ARHGEF10: variants seen among roughly 807,000 people sequenced by gnomAD.
ARHGEF10 encodes the protein Rho guanine nucleotide exchange factor 10.
A neutral mutation model predicts 147.4 loss-of-function variants in ARHGEF10; 140 were observed. The observed-to-expected ratio is 0.95, with a 90% CI of 0.83 to 1.09. The LOEUF (loss-of-function observed/expected upper bound fraction) is 1.09. ARHGEF10 is among the 50% of genes least tolerant of loss of function. The pLI is 0.00. For missense variants in ARHGEF10, 2,222 were observed against 1,752.7 expected (o/e 1.27, Z -4.78); for synonymous variants, 902 against 695.8 (o/e 1.30, Z -4.67).
Position 1,876,580 on chromosome 8 carries a change from T to C in ARHGEF10, c.689T>C (p.Ile230Thr). The part of the protein sequence containing the change: ...ENSDSEPDEM[I>T]YDDVENGDEG... ...GAATTTATGCACTCAGATGAAATGATTTATGATGATGTTGAGAATGGGGAT... is the reference window on the plus strand; with the variant it reads ...GAATTTATGCACTCAGATGAAATGACTTATGATGATGTTGAGAATGGGGAT... Residue 230 changes from isoleucine (I) to threonine (T), a missense_variant, in exon 8 of 29, where the codon ATT (isoleucine) becomes ACT (threonine). Physicochemically the swap from Ile to Thr is moderately conservative, Grantham distance 89 (BLOSUM62 -1). Transcript: ENST00000349830. 2 of 1,614,156 alleles carry C rather than the reference T, an allele frequency of 1.2e-6. No individual in the cohort carries two copies. The highest frequency in any genetic ancestry group is 1.7e-6 in the Non-Finnish European group (2 of 1,179,974).
In ARHGEF10 at chr8:1,840,556, G is replaced by C. The variant is rs1191645838; in HGVS notation, c.-47-2797G>C. On this transcript the variant is annotated intron_variant, in intron 1 of 28. Transcript: ENST00000349830. ...GTGGGGACTGTCCGGTGTGGAAGCT[G>C]TCTGATATGGGGACTGTCTGGTGTG... 2.7e-5 allele frequency among the ~76,000 whole-genome samples: 4 copies of C among 150,154 alleles called. 1 individual carries two copies. Among genetic ancestry groups the C allele is most frequent in the Non-Finnish European group, 4.4e-5 (3 of 67,534 alleles).
chr8:1,848,750 G>T (rs1028515298), intron 2 of ARHGEF10, among the ~76,000 whole-genome samples: 2 of 152,112 alleles, frequency 1.3e-5, no homozygotes, highest in African/African-American at 4.8e-5. Context: ...AAATTTTATT[G>T]AATATTCTTC....
intron 16 of ARHGEF10, chr8:1,904,228 T>C (rs1350394545): frequency 2.0e-5 from 3 of 152,292 alleles, no homozygotes; most frequent in African/African-American, 2.4e-5. Context: ...GCTTGATGCT[T>C]ACATAACTAC....
intron 18 of ARHGEF10, among the ~76,000 whole-genome samples, chr8:1,918,469 T>C (rs1319929801): frequency 1.7e-5 from 2 of 118,028 alleles, no homozygotes; most frequent in Non-Finnish European, 3.7e-5. Flanking sequence ...GCTGTGTGTG[T>C]GTGTGTGTGT....
intron 11 of ARHGEF10, among the ~76,000 whole-genome samples, chr8:1,892,901 G>T (rs1049410018): frequency 2.0e-5 from 3 of 152,080 alleles, no homozygotes; most frequent in Non-Finnish European, 4.4e-5. Flanking sequence ...GCCTTTCACG[G>T]GATCTTACAG....
intron 1 of ARHGEF10, among the ~76,000 whole-genome samples, chr8:1,837,143 A>G (rs943442516): frequency 6.6e-6 from 1 of 152,258 alleles, no homozygotes; most frequent in African/African-American, 2.4e-5. Context: ...TGGAGTTTAC[A>G]GTCTGCCTGA....
chr8:1,824,081 C>CGGGGG lies in ARHGEF10; in HGVS notation c.-80_-79insGGGGG, dbSNP rs2129024834. ...AACAGCGGGGGACGGCGGGGAACAG[C>CGGGGG]AGGGGACTGCGGGTCGCGTCCTGGC... On this transcript the variant is annotated 5_prime_UTR_variant, in exon 1 of 29. Transcript: ENST00000349830. 1 of 151,524 alleles carries CGGGGG rather than the reference C, an allele frequency of 6.6e-6. No individual in the cohort carries two copies. The highest frequency in any genetic ancestry group is 1.5e-5 in the Non-Finnish European group (1 of 67,754). 9.4% of individuals were successfully genotyped at this position (151,524 alleles called of 1,614,324 possible).
Position 1,893,641 on chromosome 8 carries a change from T to G in ARHGEF10, c.1255T>G (p.Leu419Val). 6.2e-7 allele frequency: 1 copy of G among 1,609,126 alleles called. No individual in the cohort carries two copies. The highest frequency in any genetic ancestry group is 8.5e-7 in the Non-Finnish European group (1 of 1,175,590). Residue 419 changes from leucine (L) to valine (V), a missense_variant, in exon 12 of 29, where the codon TTG becomes GTG. Leu to Val is a conservative substitution (Grantham distance 32). Coordinates refer to ENST00000349830, the MANE Select transcript of ARHGEF10 (RefSeq NM_014629.4). ...CTACGTAGATGCTCTTAAGAGGATT[T>G]TGGAGGTACTTAAGTGTCGTGTTAC... ...KNYVDALKRI[L>V]EQYEKPLSEM...
At chr8:1,901,013 G>A (rs1027583875) in intron 15 of ARHGEF10, among the ~76,000 whole-genome samples, 15 of 152,260 alleles carry the variant, frequency 9.9e-5, no homozygotes, top group South Asian at 2.1e-4. Context: ...AAACGCTGGC[G>A]TATCCTAGAG....
Position 1,930,733 on chromosome 8 carries a change from G to A in ARHGEF10, c.3079+1290G>A, listed in dbSNP as rs147604904. On this transcript the variant is annotated intron_variant, in intron 25 of 28. Transcript: ENST00000349830. ...ACCTCCTCCTTGGGGAGGCTCTCTC[G>A]ACCTGCTCCACGGGGACGGCCCCTC... 9.8e-3 allele frequency among the ~76,000 whole-genome samples: 1,488 copies of A among 152,328 alleles called. 9 individuals carry two copies. Among genetic ancestry groups the A allele is most frequent in the Middle Eastern group, 0.031 (9 of 294 alleles).
chr8:1,925,004 C>T (rs1395977025), intron 21 of ARHGEF10, among the ~76,000 whole-genome samples: 6 of 152,214 alleles, frequency 3.9e-5, no homozygotes, highest in African/African-American at 7.2e-5. Flanking sequence ...TATACAGCGA[C>T]GTTTGGCAGC....
At chr8:1,829,011 G>C (rs960711457) in intron 1 of ARHGEF10, among the ~76,000 whole-genome samples, 6 of 152,250 alleles carry the variant, frequency 3.9e-5, no homozygotes, top group African/African-American at 1.4e-4. Flanking sequence ...TATTCAGTGC[G>C]TATCTGAGCG....
intron 1 of ARHGEF10, among the ~76,000 whole-genome samples, chr8:1,842,612 C>G (rs1040158956): frequency 6.6e-6 from 1 of 152,204 alleles, no homozygotes; most frequent in Non-Finnish European, 1.5e-5. Flanking sequence ...AGAGCCTGGT[C>G]CCTGGCACTG....
intron 1 of ARHGEF10, among the ~76,000 whole-genome samples, chr8:1,842,720 C>A (rs978745850): frequency 1.4e-4 from 22 of 152,356 alleles, no homozygotes; most frequent in African/African-American, 4.8e-4. Context: ...TAACACGAGT[C>A]ACCAGGAACT....
chr8:1,956,447 A>G (rs937142511), intron 28 of ARHGEF10, among the ~76,000 whole-genome samples: 1 of 152,244 alleles, frequency 6.6e-6, no homozygotes, highest in Non-Finnish European at 1.5e-5. Context: ...GAATGGAAAA[A>G]TGACTATTTT....
chr8:1,832,321 C>T (rs1443740366), intron 1 of ARHGEF10, among the ~76,000 whole-genome samples: 1 of 151,652 alleles, frequency 6.6e-6, no homozygotes, highest in African/African-American at 2.4e-5. Context: ...CAGGCAGAGG[C>T]AGAGACAGAG....
chr8:1,921,730 C>T (rs1475040621), intron 18 of ARHGEF10, among the ~76,000 whole-genome samples: 3 of 95,752 alleles, frequency 3.1e-5, no homozygotes, highest in South Asian at 1.3e-3. Flanking sequence ...AGCGACACTT[C>T]GTCTCAAAAA....
chr8:1,849,388 T>C (rs191238717), intron 2 of ARHGEF10, among the ~76,000 whole-genome samples: 14 of 148,504 alleles, frequency 9.4e-5, no homozygotes, highest in African/African-American at 3.0e-4. Context: ...AGAAGGCAAA[T>C]GCCGAGGAGG....
chr8:1,879,891 T>A (rs546943493), intron 8 of ARHGEF10, among the ~76,000 whole-genome samples, 157 bp from the exon 9 acceptor site: 1 of 152,194 alleles, frequency 6.6e-6, no homozygotes, highest in East Asian at 1.9e-4. Context: ...CCAACTGGGC[T>A]AGTAATGGGG....
Sources: allele counts gnomAD v4.1 joint callset (sites outside exome capture counted in the v4.1 genomes callset), GRCh38; gene constraint gnomAD v4.1.1; transcripts MANE v1.5; gene names NCBI Gene and HGNC (gene_info 2026-07-23, HGNC 2026-07-21).